MTOR: variants seen among roughly 807,000 people sequenced by gnomAD.
The protein encoded by MTOR is serine/threonine-protein kinase mTOR.
A neutral mutation model predicts 319.8 loss-of-function variants in MTOR; 70 were observed. The observed-to-expected ratio is 0.22, with a 90% CI of 0.18 to 0.27. The LOEUF is 0.27. Ranked by LOEUF, MTOR falls within the 10% of genes least tolerant of loss-of-function variation. The pLI, the probability that MTOR is intolerant of heterozygous loss-of-function variation, is 1.00. For missense variants in MTOR, 1,890 were observed against 3,274.4 expected, an observed-to-expected ratio of 0.58 and a Z score of 10.32; for synonymous variants, 1,183 against 1,211.4, an observed-to-expected ratio of 0.98 and a Z score of 0.49.
At chr1:11,192,475 GC>G in intron 28 of MTOR, 1 of 992,664 alleles carries the variant, frequency 1.0e-6, no homozygotes, top group South Asian at 1.4e-5. Flanking sequence ...GGAAAATTCG[GC>G]TGGGCGCAGT....
At chr1:11,259,186 A>G in intron 2 of MTOR, 62 bp downstream of exon 2, 1 of 1,566,646 alleles carries the variant, frequency 6.4e-7, no homozygotes, top group African/African-American at 1.4e-5. Flanking sequence ...AAAAATGTAA[A>G]CCAGTGATGG....
chr1:11,243,028 G>A, intron 9 of MTOR, 86 bp downstream of exon 9: 2 of 1,471,632 alleles, frequency 1.4e-6, no homozygotes, highest in Non-Finnish European at 1.9e-6. Context: ...GCAAAAAATG[G>A]GCGTAAGCTC....
At chr1:11,107,635 A>C (rs770528181) in intron 57 of MTOR, 135 bp from the exon 58 acceptor site, 49 of 889,124 alleles carry the variant, frequency 5.5e-5, no homozygotes, top group Non-Finnish European at 8.2e-5. Context: ...AGCTAATTGC[A>C]TGGGACACAC....
intron 28 of MTOR, among the ~76,000 whole-genome samples, chr1:11,191,328 C>A (rs147286221): frequency 1.3e-5 from 2 of 152,230 alleles, no homozygotes; most frequent in Non-Finnish European, 2.9e-5. Flanking sequence ...ACCACTAAGA[C>A]GAAATGAAGA....
intron 26 of MTOR, among the ~76,000 whole-genome samples, chr1:11,203,561 C>T (rs565612422): frequency 6.6e-6 from 1 of 152,248 alleles, no homozygotes; most frequent in South Asian, 2.1e-4. Flanking sequence ...GTAATCCCAG[C>T]TACACGGGAG....
At chr1:11,147,359 T>C (rs1643966407) in intron 31 of MTOR, among the ~76,000 whole-genome samples, 7 of 152,146 alleles carry the variant, frequency 4.6e-5, no homozygotes, top group Admixed American at 4.6e-4. Context: ...ATGGGCTAGG[T>C]CACAGCACAG....
Position 11,109,544 on chromosome 1 carries a change from G to T in MTOR, c.7447+105C>A. 1 of 1,289,440 alleles carries T rather than the reference G, an allele frequency of 7.8e-7. No individual in the cohort carries two copies. Among genetic ancestry groups the T allele is most frequent in the Non-Finnish European group, 1.1e-6 (1 of 895,660 alleles). The allele number at this position is 1,289,440 out of a possible 1,614,324, so 79.9% of individuals were successfully genotyped here. A position where few individuals can be genotyped will look rare whatever the true frequency, so the allele number is the denominator to read the frequency against. On this transcript the variant is annotated intron_variant, in intron 55 of 57. Transcript: ENST00000361445. This position sits in a 1 kb window ranked among gnomAD's most constrained non-coding sequence, Gnocchi z 4.0. ...ATTCATGGAACCTTTTCTGCTCAAA[G>T]GCAGTTTTGTTGCTTCATCTTGTTG...
chr1:11,178,602 C>T (rs1645057359), intron 28 of MTOR, among the ~76,000 whole-genome samples: 1 of 152,176 alleles, frequency 6.6e-6, no homozygotes, highest in Non-Finnish European at 1.5e-5. Flanking sequence ...TGCTCCTTTT[C>T]TTGTGATGCC....
At chr1:11,144,192 T>G (rs767691453) in intron 34 of MTOR, among the ~76,000 whole-genome samples, 5 of 152,160 alleles carry the variant, frequency 3.3e-5, no homozygotes, top group Admixed American at 2.0e-4. Context: ...AGAGCAGTGG[T>G]TCTTAGCTTT....
chr1:11,171,165 AG>A (rs1465288716), intron 28 of MTOR, among the ~76,000 whole-genome samples: 1 of 150,682 alleles, frequency 6.6e-6, no homozygotes, highest in Non-Finnish European at 1.5e-5. Context: ...ACTGCACTCC[AG>A]CCTGGGCGAC....
intron 28 of MTOR, among the ~76,000 whole-genome samples, chr1:11,196,237 G>T (rs1017676450): frequency 9.9e-5 from 15 of 152,176 alleles, no homozygotes; most frequent in Non-Finnish European, 1.5e-5. Context: ...TTCTACTTAG[G>T]ATAGAGAAGC....
At chr1:11,119,591 A>G (rs1557744694) in intron 49 of MTOR, among the ~76,000 whole-genome samples, 1 of 148,388 alleles carries the variant, frequency 6.7e-6, no homozygotes, top group East Asian at 2.0e-4. Flanking sequence ...AAAAAAAAAA[A>G]AAAAAAAAGC....
chr1:11,192,284 T>C (rs1183802138), intron 28 of MTOR: 3 of 1,613,690 alleles, frequency 1.9e-6, no homozygotes, highest in South Asian at 1.1e-5. Flanking sequence ...CATCTACGAC[T>C]GCTCTTCCCT....
intron 28 of MTOR, chr1:11,193,519 C>A: frequency 6.8e-7 from 1 of 1,475,988 alleles, no homozygotes. Context: ...GGGAAGCCTG[C>A]CCTCTTGCTC....
rs772849105 is a variant in MTOR at position 11,115,627 on chromosome 1, C to T, written c.7017-159G>A. ...TTCTGCAAGTCCAGTTTTACTGGAA[C>T]ACACAGCACGCTCCCTTGTTTAAGT... On this transcript the variant is annotated intron_variant, in intron 50 of 57. Transcript: ENST00000361445. The surrounding 1 kb of genome is among the most constrained non-coding windows in gnomAD (Gnocchi z 4.5). 1.1e-4 allele frequency: 70 copies of T among 651,998 alleles called. No homozygotes were observed. Among genetic ancestry groups the T allele is most frequent in the Non-Finnish European group, 1.6e-4 (58 of 358,250 alleles). The allele number at this position is 651,998 out of a possible 1,614,324, so 40.4% of individuals were successfully genotyped here.
rs2100414685 is a variant in MTOR, at chr1:11,128,132, G to A, written c.5911-6C>T. 6.2e-7 allele frequency: 1 copy of A among 1,613,094 alleles called. No homozygotes were observed. Among genetic ancestry groups the A allele is most frequent in the African/African-American group, 1.3e-5 (1 of 74,946 alleles). On this transcript the variant is annotated splice_region_variant and splice_polypyrimidine_tract_variant and intron_variant, in intron 42 of 57. Coordinates refer to ENST00000361445, the MANE Select transcript of MTOR (RefSeq NM_004958.4). The surrounding 1 kb of genome is among the most constrained non-coding windows in gnomAD (Gnocchi z 5.3). ...GTCAGTGGGTAGATGAGGGCCTGAG[G>A]GAAAAACAGAAGAAACATCTATAAA...
At chr1:11,163,014 A>G (rs1342335811) in intron 29 of MTOR, among the ~76,000 whole-genome samples, 4 of 152,232 alleles carry the variant, frequency 2.6e-5, no homozygotes, top group Non-Finnish European at 5.9e-5. Context: ...GTCAAGACCC[A>G]TCAGTGTGCT....
At chr1:11,216,095 G>A in intron 20 of MTOR, 53 bp downstream of exon 20, 1 of 1,344,570 alleles carries the variant, frequency 7.4e-7, no homozygotes, top group Non-Finnish European at 1.1e-6. Context: ...ACTTGCTTCT[G>A]AGCCTTCCTT....
intron 31 of MTOR, among the ~76,000 whole-genome samples, chr1:11,148,277 C>T (rs1265850126): frequency 1.3e-5 from 2 of 152,168 alleles, no homozygotes; most frequent in African/African-American, 4.8e-5. Flanking sequence ...CTGGAAACGC[C>T]TACCTCTAGA....
Sources: gnomAD v4.1 joint callset for allele counts (sites outside exome capture counted in the v4.1 genomes callset) on GRCh38, gnomAD v4.1.1 for gene constraint, Gnocchi (gnomAD v3.1) non-coding constraint, MANE v1.5 for transcripts, NCBI Gene and HGNC (gene_info 2026-07-23, HGNC 2026-07-21) for gene names.